FHIT: variants seen among roughly 807,000 people sequenced by gnomAD.
FHIT encodes the protein bis(5'-adenosyl)-triphosphatase.
FHIT carries 19 observed loss-of-function variants against 17.9 expected under a neutral mutation model. The observed-to-expected ratio is 1.06, with a 90% CI of 0.74 to 1.56. The LOEUF is 1.56. FHIT is among the 40% of genes most tolerant of loss of function. FHIT has a pLI of 0.00. For synonymous variants in FHIT, 81 were observed against 69.7 expected (o/e 1.16, Z -0.81); for missense variants, 248 against 189.2 (o/e 1.31, Z -1.82).
chr3:60,561,619 C>G (rs1433595919), intron 4 of FHIT, among the ~76,000 whole-genome samples: 2 of 152,140 alleles, frequency 1.3e-5, no homozygotes, highest in African/African-American at 2.4e-5. Context: ...TCCAGGATGA[C>G]TTGAAAAGGC....
intron 7 of FHIT, among the ~76,000 whole-genome samples, chr3:59,961,359 TTAAC>T (rs1204297741): frequency 1.2e-4 from 19 of 152,242 alleles, no homozygotes; most frequent in African/African-American, 3.6e-4. Flanking sequence ...GCACTAAAAT[TTAAC>T]TAACACCTGG....
chr3:59,918,877 T>C (rs1303649055), intron 8 of FHIT, among the ~76,000 whole-genome samples: 3 of 151,844 alleles, frequency 2.0e-5, no homozygotes, highest in Non-Finnish European at 4.4e-5. Flanking sequence ...ATAAAACACA[T>C]GTGAAGAGGC....
intron 2 of FHIT, among the ~76,000 whole-genome samples, chr3:61,117,789 T>C (rs954347699): frequency 1.3e-5 from 2 of 152,162 alleles, no homozygotes; most frequent in Admixed American, 6.5e-5. Flanking sequence ...TCTAATTATT[T>C]TCTCTTTAGT....
At chr3:60,511,149 G>A (rs2034936406) in intron 5 of FHIT, among the ~76,000 whole-genome samples, 2 of 152,124 alleles carry the variant, frequency 1.3e-5, no homozygotes, top group Admixed American at 6.5e-5. Context: ...TTTGCATAAG[G>A]TTATCCATCA....
chr3:61,166,449 C>G (rs961707026), intron 2 of FHIT, among the ~76,000 whole-genome samples: 1 of 152,228 alleles, frequency 6.6e-6, no homozygotes, highest in African/African-American at 2.4e-5. Context: ...ATAGACCTGA[C>G]ATCCTTTAGA....
At chr3:60,127,129 A>C (rs959463886) in intron 5 of FHIT, among the ~76,000 whole-genome samples, 1 of 152,092 alleles carries the variant, frequency 6.6e-6, no homozygotes, top group Non-Finnish European at 1.5e-5. Flanking sequence ...AAGCGATCCC[A>C]TCTAGATTTA....
intron 5 of FHIT, among the ~76,000 whole-genome samples, chr3:60,247,421 AGAT>A (rs1235722015): frequency 2.1e-5 from 3 of 145,174 alleles, no homozygotes; most frequent in East Asian, 4.0e-4. Context: ...AGAAGGAAGA[AGAT>A]GATGAAGATG....
chr3:60,200,056 G>C (rs1232925480), intron 5 of FHIT, among the ~76,000 whole-genome samples: 1 of 152,112 alleles, frequency 6.6e-6, no homozygotes, highest in African/African-American at 2.4e-5. Flanking sequence ...GGGTGATCAA[G>C]AAAGTGAGTG....
At chr3:60,134,456 AC>A (rs1699724450) in intron 5 of FHIT, among the ~76,000 whole-genome samples, 1 of 152,210 alleles carries the variant, frequency 6.6e-6, no homozygotes, top group Non-Finnish European at 1.5e-5. Flanking sequence ...GCAGGGAATC[AC>A]AGTTTCTGGG....
At chr3:61,013,913 A>C (rs1282828363) in intron 3 of FHIT, among the ~76,000 whole-genome samples, 1 of 152,180 alleles carries the variant, frequency 6.6e-6, no homozygotes, top group Non-Finnish European at 1.5e-5. Flanking sequence ...CCCAGTGTCT[A>C]ATGATCTTTA....
chr3:60,593,075 T>G (rs536187715), intron 4 of FHIT, among the ~76,000 whole-genome samples: 1 of 152,242 alleles, frequency 6.6e-6, no homozygotes, highest in African/African-American at 2.4e-5. Context: ...AAGACCTTTC[T>G]CCAACATCTA....
At chr3:60,876,345 T>C (rs1172527832) in intron 3 of FHIT, among the ~76,000 whole-genome samples, 1 of 152,176 alleles carries the variant, frequency 6.6e-6, no homozygotes, top group East Asian at 1.9e-4. Context: ...AGAAGTACAA[T>C]TGATTACTGA....
intron 4 of FHIT, among the ~76,000 whole-genome samples, chr3:60,614,813 T>TG (rs1553675069): frequency 1.4e-5 from 1 of 73,100 alleles, no homozygotes; most frequent in African/African-American, 4.9e-5. Context: ...AAAGTTGTTT[T>TG]TTTTTTGTTT....
intron 5 of FHIT, among the ~76,000 whole-genome samples, chr3:60,396,248 C>T (rs1428417107): frequency 6.6e-6 from 1 of 152,178 alleles, no homozygotes; most frequent in East Asian, 1.9e-4. Context: ...TTGATAGCTA[C>T]TGCAGCTTTA....
At chr3:59,756,239 A>AAGTT (rs888040901) in intron 8 of FHIT, among the ~76,000 whole-genome samples, 2 of 152,202 alleles carry the variant, frequency 1.3e-5, no homozygotes, top group Non-Finnish European at 2.9e-5. Flanking sequence ...GAAGGATTAA[A>AAGTT]AGTTATGATC....
intron 3 of FHIT, among the ~76,000 whole-genome samples, chr3:60,995,982 CTTTAAT>C (rs2030646360): frequency 6.6e-6 from 1 of 152,196 alleles, no homozygotes; most frequent in Admixed American, 6.5e-5. Context: ...CCAGTGAACA[CTTTAAT>C]TTTAATTTAA....
At chr3:60,962,273 C>G (rs1575760435) in intron 3 of FHIT, among the ~76,000 whole-genome samples, 1 of 152,038 alleles carries the variant, frequency 6.6e-6, no homozygotes, top group Admixed American at 6.6e-5. Context: ...TTTTTGCACA[C>G]TGATTTTGTA....
chr3:60,039,731 T>C (rs1701360281), intron 5 of FHIT, among the ~76,000 whole-genome samples: 1 of 152,240 alleles, frequency 6.6e-6, no homozygotes. Flanking sequence ...ACTGGGAAGA[T>C]GATGGTGGAA....
At chr3:59,879,568 T>C (rs1703310931) in intron 8 of FHIT, among the ~76,000 whole-genome samples, 1 of 152,126 alleles carries the variant, frequency 6.6e-6, no homozygotes, top group Non-Finnish European at 1.5e-5. Flanking sequence ...ATCTTAACTA[T>C]GTGATGCATG....
Sources: allele counts gnomAD v4.1 joint callset (sites outside exome capture counted in the v4.1 genomes callset), GRCh38; gene constraint gnomAD v4.1.1; transcripts MANE v1.5; gene names NCBI Gene and HGNC (gene_info 2026-07-23, HGNC 2026-07-21).